Variants in SETBP1 observed in about 807,000 individuals in gnomAD.
SETBP1 encodes SET binding protein 1.
Under a neutral mutation model 101.0 loss-of-function variants are expected in SETBP1, and 9 were observed. The observed-to-expected ratio is 0.09, with a 90% CI of 0.05 to 0.16. The LOEUF (loss-of-function observed/expected upper bound fraction) is 0.16. SETBP1 is among the 10% of genes least tolerant of loss of function. The pLI, the probability that SETBP1 is intolerant of heterozygous loss-of-function variation, is 1.00. For missense variants in SETBP1, 1,858 were observed against 2,033.8 expected (o/e 0.91, Z 1.66); for synonymous variants, 818 against 788.5 (o/e 1.04, Z -0.63).
intron 2 of SETBP1, among the ~76,000 whole-genome samples, chr18:44,744,901 A>T (rs2070200436): frequency 1.3e-5 from 2 of 152,034 alleles, no homozygotes; most frequent in African/African-American, 4.8e-5. Context: ...GGCATTGTCC[A>T]GGGTGGCGGG....
chr18:45,015,400 A>G, intron 4 of SETBP1, among the ~76,000 whole-genome samples: 1 of 152,150 alleles, frequency 6.6e-6, no homozygotes, highest in East Asian at 1.9e-4. Context: ...CTTTACCTCC[A>G]TCACCATGAA....
chr18:44,956,861 G>T (rs781725918), intron 4 of SETBP1, among the ~76,000 whole-genome samples: 3 of 152,196 alleles, frequency 2.0e-5, no homozygotes, highest in Non-Finnish European at 2.9e-5. Flanking sequence ...CCCAGCAGAT[G>T]GTTGCATTGT....
intron 4 of SETBP1, among the ~76,000 whole-genome samples, chr18:44,999,055 T>C (rs745644798): frequency 7.9e-5 from 12 of 152,242 alleles, no homozygotes; most frequent in Non-Finnish European, 1.5e-4. Context: ...TGGCCTCAAC[T>C]AATGCCTCAT....
chr18:44,690,497 A>G (rs1270493325), intron 1 of SETBP1, among the ~76,000 whole-genome samples: 1 of 152,358 alleles, frequency 6.6e-6, no homozygotes, highest in East Asian at 1.9e-4. Context: ...TATCTGTTAG[A>G]TGGTTCAGTT....
intron 2 of SETBP1, among the ~76,000 whole-genome samples, chr18:44,813,203 G>A (rs193083136): frequency 7.0e-4 from 107 of 152,278 alleles, no homozygotes; most frequent in Middle Eastern, 6.8e-3. Context: ...CCATTCTGTG[G>A]CCATGTCCTT....
intron 2 of SETBP1, among the ~76,000 whole-genome samples, chr18:44,807,138 G>C (rs954802468): frequency 6.6e-6 from 1 of 152,108 alleles, no homozygotes; most frequent in Non-Finnish European, 1.5e-5. Flanking sequence ...ATTTTGCATA[G>C]CACAAACTTG....
chr18:44,807,235 T>C (rs939113382), intron 2 of SETBP1, among the ~76,000 whole-genome samples: 1 of 152,298 alleles, frequency 6.6e-6, no homozygotes, highest in Admixed American at 6.5e-5. Context: ...ACATATAGTT[T>C]ATTTCTTGGT....
intron 5 of SETBP1, among the ~76,000 whole-genome samples, chr18:45,060,537 T>TAA (rs556299167): frequency 3.7e-4 from 55 of 149,756 alleles, no homozygotes; most frequent in Middle Eastern, 3.4e-3. Flanking sequence ...GTTTTCTTAT[T>TAA]AAAAAAAAAA....
chr18:44,795,557 A>G (rs942375096), intron 2 of SETBP1, among the ~76,000 whole-genome samples: 10 of 152,186 alleles, frequency 6.6e-5, no homozygotes, highest in Non-Finnish European at 1.2e-4. Flanking sequence ...ATCCAGGGTG[A>G]TTATTATCTG....
At chr18:44,930,029 T>G (rs2144984536) in intron 3 of SETBP1, among the ~76,000 whole-genome samples, 1 of 152,374 alleles carries the variant, frequency 6.6e-6, no homozygotes, top group Non-Finnish European at 1.5e-5. Context: ...TCAAAAGGAA[T>G]GCTTCCAGTT....
chr18:44,941,076 A>AATT (rs1568228554), intron 3 of SETBP1, among the ~76,000 whole-genome samples: 1 of 124,940 alleles, frequency 8.0e-6, no homozygotes, highest in African/African-American at 2.9e-5. Flanking sequence ...GAGAAGTCAG[A>AATT]CTTTTTTTTT....
intron 4 of SETBP1, among the ~76,000 whole-genome samples, chr18:44,982,085 G>T (rs1222681410): frequency 6.6e-6 from 1 of 152,226 alleles, no homozygotes; most frequent in Admixed American, 6.5e-5. Context: ...GGTAGTAAAA[G>T]CCTCTCAATT....
chr18:45,038,516 G>T lies in SETBP1; in HGVS notation c.4032G>T (p.Gln1344His). 1.2e-6 allele frequency: 2 copies of T among 1,614,174 alleles called. No homozygotes were observed. The part of the protein sequence containing the change: ...GMPSPHLKVD[Q>H]TAVHSKNEGS... ...CAAGTCCCCACTTAAAAGTGGACCA[G>T]ACAGCAGTGCATAGTAAGAACGAAG... The change falls in exon 5 of 6, where the codon CAG becomes CAT. Residue 1344 changes from glutamine (Q) to histidine (H), a missense_variant. Around this residue, in one of 12 missense-constraint regions of SETBP1, gnomAD observed 417 missense variants for 389.1 expected, o/e 1.07. Coordinates refer to ENST00000649279, the MANE Select transcript of SETBP1 (RefSeq NM_015559.3).
intron 2 of SETBP1, among the ~76,000 whole-genome samples, chr18:44,796,936 C>T (rs966674557): frequency 6.6e-6 from 1 of 152,180 alleles, no homozygotes; most frequent in Admixed American, 6.5e-5. Flanking sequence ...TCTCCCTTAT[C>T]CCCTTTTCCC....
At chr18:44,929,741 G>T (rs966866881) in intron 3 of SETBP1, among the ~76,000 whole-genome samples, 2 of 152,124 alleles carry the variant, frequency 1.3e-5, no homozygotes, top group African/African-American at 4.8e-5. Flanking sequence ...CTGTTTGTCT[G>T]TTATTGGTAT....
intron 2 of SETBP1, among the ~76,000 whole-genome samples, chr18:44,746,951 G>A (rs184234565): frequency 5.9e-5 from 9 of 152,300 alleles, no homozygotes; most frequent in Admixed American, 2.6e-4. Context: ...GGATGCATAC[G>A]GCACCTAAGT....
At chr18:44,855,867 G>A (rs2072965670) in intron 2 of SETBP1, among the ~76,000 whole-genome samples, 8 of 152,160 alleles carry the variant, frequency 5.3e-5, no homozygotes, top group Admixed American at 5.2e-4. Flanking sequence ...AGAAAAAGTT[G>A]AAAGCACTTG....
At chr18:44,913,567 C>G (rs1568213950) in intron 3 of SETBP1, among the ~76,000 whole-genome samples, 1 of 152,182 alleles carries the variant, frequency 6.6e-6, no homozygotes, top group Non-Finnish European at 1.5e-5. Flanking sequence ...GCACGAAGGG[C>G]CTGGAAAACA....
intron 2 of SETBP1, among the ~76,000 whole-genome samples, chr18:44,780,579 T>C (rs1045932931): frequency 5.9e-5 from 9 of 152,224 alleles, no homozygotes; most frequent in African/African-American, 1.9e-4. Flanking sequence ...CCATTTGAGA[T>C]GCCCATGGAC....
Sources: allele counts gnomAD v4.1 joint callset (sites outside exome capture counted in the v4.1 genomes callset), GRCh38; gene constraint gnomAD v4.1.1; regional missense constraint gnomAD v4.1.1; transcripts MANE v1.5; gene names NCBI Gene and HGNC (gene_info 2026-07-23, HGNC 2026-07-21).